Variants in CORO7 observed in about 807,000 individuals in gnomAD.
CORO7 encodes the protein coronin-7.
A neutral mutation model predicts 126.6 loss-of-function variants in CORO7; 107 were observed. The ratio of observed to expected loss-of-function variants is 0.85; its 90% CI spans 0.72 to 0.99. The LOEUF (loss-of-function observed/expected upper bound fraction) is 0.99, where lower values mean the gene tolerates loss of function less well. CORO7 is among the 50% of genes least tolerant of loss of function. CORO7 has a pLI of 0.00. For synonymous variants in CORO7, 603 were observed against 536.8 expected (o/e 1.12, Z -1.70); for missense variants, 1,314 against 1,255.8 (o/e 1.05, Z -0.70).
At chr16:4,388,144 C>A in intron 8 of CORO7, 76 bp from the exon 9 acceptor site, 1 of 1,539,554 alleles carries the variant, frequency 6.5e-7, no homozygotes. Context: ...GGGAAACCAG[C>A]GCCTGAGGGT....
chr16:4,400,576 T>A (rs2141297549), intron 6 of CORO7, among the ~76,000 whole-genome samples: 1 of 152,176 alleles, frequency 6.6e-6, no homozygotes, highest in South Asian at 2.1e-4. Flanking sequence ...GAGGTTGCGG[T>A]GAGCTGAGAT....
At chr16:4,408,318 A>G in intron 3 of CORO7, 67 bp from the exon 4 acceptor site, 2 of 1,605,542 alleles carry the variant, frequency 1.2e-6, no homozygotes, top group Non-Finnish European at 1.7e-6. Flanking sequence ...AGCAAAGCCC[A>G]GGGCTTCCGA....
chr16:4,379,658 G>A (rs919434064), intron 9 of CORO7, among the ~76,000 whole-genome samples: 1 of 151,936 alleles, frequency 6.6e-6, no homozygotes, highest in Non-Finnish European at 1.5e-5. Context: ...TTCCCACTTC[G>A]CTGGCACATG....
intron 1 of CORO7, chr16:4,415,920 G>C (rs993641948): frequency 8.1e-6 from 8 of 985,334 alleles, no homozygotes; most frequent in African/African-American, 3.5e-5. Flanking sequence ...CCAGCGGCGA[G>C]AGGAGGAAGC....
chr16:4,408,197 C>T lies in CORO7; in HGVS notation c.287G>A (p.Gly96Asp). Residue 96 changes from glycine (G) to aspartate (D), a missense_variant, in exon 4 of 28, where the codon GGC becomes GAC. Coordinates refer to ENST00000251166, the MANE Select transcript of CORO7 (RefSeq NM_024535.5). ...TCCACTCACCGTCCTGTCAGCCGAG[C>T]CTGTGGCCAGGAGGAAGTCATCAAA... is the stretch of plus-strand genomic sequence containing the variant. ...SPFDDFLLAT[G>D]SADRTVKLWR... 6.2e-7 allele frequency: 1 copy of T among 1,614,206 alleles called. No individual in the cohort carries two copies. Among genetic ancestry groups the T allele is most frequent in the African/African-American group, 1.3e-5 (1 of 75,048 alleles).
Position 4,365,136 on chromosome 16 carries a change from C to G in CORO7, c.841-76G>C, listed in dbSNP as rs528328410. 15 of 1,542,418 alleles carry G rather than the reference C, an allele frequency of 9.7e-6. No homozygotes were observed. In the African/African-American group the frequency reaches 1.1e-4, roughly 11 times the overall value. The stretch of plus-strand genomic sequence containing the variant: ...GGCCCAGGACTGGCATCAGCTCCCC[C>G]ACAGGTCCCCAAGGACCTGAGCCAC... On this transcript the variant is annotated intron_variant, in intron 10 of 27. Transcript: ENST00000251166.
chr16:4,369,818 G>A (rs1258055363), intron 9 of CORO7, among the ~76,000 whole-genome samples: 1 of 152,174 alleles, frequency 6.6e-6, no homozygotes, highest in Non-Finnish European at 1.5e-5. Context: ...CCAGGCTGGA[G>A]AGTTAGTTAG....
chr16:4,405,452 G>A lies in CORO7; in HGVS notation c.564+39C>T, dbSNP rs376185315. On this transcript the variant is annotated intron_variant, in intron 6 of 27. Transcript: ENST00000251166. Reference sequence around the variant, plus strand: ...CAGGGGGTCCCAGCCCAGGAGGCCTGCACAGAGCCCCACAGGGCATCCCCA... The same window carrying A: ...CAGGGGGTCCCAGCCCAGGAGGCCTACACAGAGCCCCACAGGGCATCCCCA... 4.4e-6 allele frequency: 7 copies of A among 1,600,246 alleles called. No homozygotes were observed. In the African/African-American group the frequency reaches 6.7e-5, roughly 15 times the overall value.
chr16:4,380,799 C>G, intron 9 of CORO7: 1 of 1,401,486 alleles, frequency 7.1e-7, no homozygotes, highest in African/African-American at 1.4e-5. Flanking sequence ...CCCTCTGGCT[C>G]TTCCTGGCGT....
chr16:4,414,003 A>C (rs548771823), intron 1 of CORO7, among the ~76,000 whole-genome samples: 2 of 151,620 alleles, frequency 1.3e-5, no homozygotes, highest in African/African-American at 2.4e-5. Context: ...CCTGGCCAAC[A>C]TGGTGAAACC....
rs1378241072 is a variant in CORO7, at chr16:4,362,466, G to A, written c.1402+146C>T. The A allele has an allele frequency of 2.8e-6, 4 of 1,417,812 alleles. No homozygotes were observed. The highest frequency in any genetic ancestry group is 2.6e-5 in the Admixed American group (1 of 38,304). The allele number at this position is 1,417,812 out of a possible 1,614,324, so 87.8% of individuals were successfully genotyped here. A position where few individuals can be genotyped will look rare whatever the true frequency, so the allele number is the denominator to read the frequency against. On this transcript the variant is annotated intron_variant, in intron 15 of 27. Coordinates refer to ENST00000251166, the MANE Select transcript of CORO7 (RefSeq NM_024535.5). This position sits in a 1 kb window ranked among gnomAD's most constrained non-coding sequence, Gnocchi z 5.3. ...TCAGCCACCACACCCCAGCCCCCAG[G>A]ACAAATGACCCTGCCAGTGAGTCTG... is the stretch of plus-strand genomic sequence containing the variant.
In CORO7 at chr16:4,367,293, G is replaced by A. The variant is rs548779786; in HGVS notation, c.786-1748C>T. On this transcript the variant is annotated intron_variant, in intron 9 of 27. Transcript: ENST00000251166. ...GGAGGGTAGGGGACCAAGGTGGTGC[G>A]TGACCTGGAGTGCCCTCCACACTGA... 2.6e-4 allele frequency among the ~76,000 whole-genome samples: 40 copies of A among 152,316 alleles called. No individual in the cohort carries two copies. In the South Asian group the frequency reaches 6.4e-3, roughly 24 times the overall value.
At chr16:4,395,669 G>A (rs189066847) in intron 6 of CORO7, among the ~76,000 whole-genome samples, 32 of 152,294 alleles carry the variant, frequency 2.1e-4, no homozygotes, top group African/African-American at 6.5e-4. Context: ...CTATGAAGTG[G>A]TACTATCACC....
At chr16:4,399,417 G>A (rs983498422) in intron 6 of CORO7, among the ~76,000 whole-genome samples, 2 of 152,176 alleles carry the variant, frequency 1.3e-5, no homozygotes, top group South Asian at 2.1e-4. Flanking sequence ...CTTATGTGGG[G>A]CATCTAAAGT....
chr16:4,386,137 A>T (rs2055185682), intron 9 of CORO7, among the ~76,000 whole-genome samples: 1 of 152,154 alleles, frequency 6.6e-6, no homozygotes, highest in Non-Finnish European at 1.5e-5. Flanking sequence ...GGGCTGGCAG[A>T]GCAGGGGCCA....
At position 4,354,623 on chromosome 16, in the gene CORO7, T is replaced by G; in HGVS notation, c.*535A>C. 6.3e-6 allele frequency: 1 copy of G among 157,612 alleles called. No individual in the cohort carries two copies. Among genetic ancestry groups the G allele is most frequent in the Non-Finnish European group, 1.4e-5 (1 of 71,722 alleles). The allele number at this position is 157,612 out of a possible 1,614,324, so 9.8% of individuals were successfully genotyped here. Reference sequence around the variant, plus strand: ...CCCTGCGGGGCTCACACCCCCCTTATTGGACCATCAGCTCTGTGATGCCCC... The same window carrying G: ...CCCTGCGGGGCTCACACCCCCCTTAGTGGACCATCAGCTCTGTGATGCCCC... On this transcript the variant is annotated 3_prime_UTR_variant, in exon 28 of 28. Coordinates refer to ENST00000251166, the MANE Select transcript of CORO7 (RefSeq NM_024535.5).
chr16:4,384,738 T>TG (rs562096177), intron 9 of CORO7, among the ~76,000 whole-genome samples: 238 of 152,184 alleles, frequency 1.6e-3, no homozygotes, highest in African/African-American at 5.5e-3. Context: ...GTGGTGGCAG[T>TG]GGGCCTGGGT....
Position 4,388,621 on chromosome 16 carries a change from G to A in CORO7, c.626C>T (p.Ala209Val), listed in dbSNP as rs1171244461. Residue 209 changes from alanine to valine, a missense_variant, in exon 8 of 28, where the codon GCC (alanine) becomes GTC (valine). By Grantham distance (64) the Ala-to-Val change is moderately conservative (BLOSUM62 0). Coordinates refer to ENST00000251166, the MANE Select transcript of CORO7 (RefSeq NM_024535.5). ...TKPRASQSTQ[A>V]HENSRDSRLA... ...CCGGCTATCCCTGCTGTTCTCATGGGCCTGCGTGCTCTGCAGGAGGCAAGA... is the reference window on the plus strand; with the variant it reads ...CCGGCTATCCCTGCTGTTCTCATGGACCTGCGTGCTCTGCAGGAGGCAAGA... 6.2e-7 allele frequency: 1 copy of A among 1,611,700 alleles called. No individual in the cohort carries two copies. Among genetic ancestry groups the A allele is most frequent in the African/African-American group, 1.3e-5 (1 of 74,924 alleles).
chr16:4,408,702 C>G (rs1246794573), intron 3 of CORO7, among the ~76,000 whole-genome samples: 2 of 152,326 alleles, frequency 1.3e-5, no homozygotes, highest in East Asian at 3.9e-4. Flanking sequence ...GTGGCTCATG[C>G]CTGTAATACC....
Sources: allele counts gnomAD v4.1 joint callset (sites outside exome capture counted in the v4.1 genomes callset), GRCh38; gene constraint gnomAD v4.1.1; non-coding constraint Gnocchi (gnomAD v3.1); transcripts MANE v1.5; gene names NCBI Gene and HGNC (gene_info 2026-07-23, HGNC 2026-07-21).